SYT14: variants seen among roughly 807,000 people sequenced by gnomAD.
SYT14 encodes synaptotagmin 14.
In SYT14, 32 loss-of-function variants were observed where a neutral mutation model predicts 74.2. The observed-to-expected ratio is 0.43, with a 90% CI of 0.33 to 0.58. SYT14 has a LOEUF of 0.58. Among genes scored for constraint, SYT14 ranks in the 20% least tolerant of loss-of-function variants. SYT14 has a pLI of 0.05. For missense variants in SYT14, 791 were observed against 981.8 expected (o/e 0.81, Z 2.60); for synonymous variants, 298 against 337.7 (o/e 0.88, Z 1.29).
At chr1:210,065,125 G>T (rs1364643579) in intron 5 of SYT14, among the ~76,000 whole-genome samples, 1 of 151,958 alleles carries the variant, frequency 6.6e-6, no homozygotes, top group Admixed American at 6.6e-5. Context: ...GGGTTGTTTT[G>T]AGTTGTTTCA....
intron 5 of SYT14, among the ~76,000 whole-genome samples, chr1:210,037,205 A>G (rs898253159): frequency 7.9e-5 from 12 of 151,986 alleles, no homozygotes; most frequent in African/African-American, 2.7e-4. Context: ...TAGGTTTTCT[A>G]GTATGTAAGT....
chr1:210,160,526 A>G (rs1449568254), intron 9 of SYT14, among the ~76,000 whole-genome samples: 2 of 152,116 alleles, frequency 1.3e-5, no homozygotes, highest in African/African-American at 2.4e-5. Flanking sequence ...TACTACCAAA[A>G]TATTTTTGGC....
intron 2 of SYT14, among the ~76,000 whole-genome samples, chr1:209,998,118 A>G (rs1279144193): frequency 1.3e-5 from 2 of 152,076 alleles, no homozygotes; most frequent in Non-Finnish European, 2.9e-5. Context: ...TTTTATTTCT[A>G]GGGTTTTTTT....
intron 7 of SYT14, among the ~76,000 whole-genome samples, chr1:210,121,711 G>A (rs1026398735): frequency 1.5e-4 from 23 of 151,158 alleles, no homozygotes; most frequent in Non-Finnish European, 3.0e-4. Context: ...GGAGAATGGC[G>A]TGAACCCAGG....
intron 5 of SYT14, among the ~76,000 whole-genome samples, chr1:210,075,304 G>A (rs898097605): frequency 6.6e-6 from 1 of 150,942 alleles, no homozygotes; most frequent in East Asian, 2.0e-4. Context: ...TTGACGTCTA[G>A]CCACTTGTGT....
intron 5 of SYT14, among the ~76,000 whole-genome samples, chr1:210,067,797 G>A (rs1430485799): frequency 2.0e-5 from 3 of 151,902 alleles, no homozygotes; most frequent in African/African-American, 7.2e-5. Context: ...ATATAGAAAT[G>A]TGAGATGTAA....
intron 5 of SYT14, among the ~76,000 whole-genome samples, chr1:210,062,365 A>G (rs2081221394): frequency 6.6e-6 from 1 of 151,918 alleles, no homozygotes; most frequent in African/African-American, 2.4e-5. Flanking sequence ...TTCTACAAAT[A>G]TAAAAGATAG....
At chr1:209,955,604 TA>T (rs1358294470) in intron 2 of SYT14, among the ~76,000 whole-genome samples, 1 of 152,204 alleles carries the variant, frequency 6.6e-6, no homozygotes, top group African/African-American at 2.4e-5. Flanking sequence ...CTCCTTTCAC[TA>T]AGTATTAGTG....
intron 5 of SYT14, among the ~76,000 whole-genome samples, chr1:210,088,315 C>CAT (rs1192368918): frequency 1.3e-5 from 2 of 151,878 alleles, no homozygotes; most frequent in Non-Finnish European, 1.5e-5. Context: ...CGGTCATCTA[C>CAT]ATTAGGTATT....
chr1:210,077,632 C>T (rs1440383660), intron 5 of SYT14, among the ~76,000 whole-genome samples: 2 of 152,174 alleles, frequency 1.3e-5, no homozygotes, highest in Non-Finnish European at 2.9e-5. Context: ...ATTGCAGGGT[C>T]ATATTGTAAC....
At chr1:209,938,715 C>T (rs575388322) in intron 1 of SYT14, among the ~76,000 whole-genome samples, 8 of 152,226 alleles carry the variant, frequency 5.3e-5, no homozygotes, top group Middle Eastern at 3.4e-3. Flanking sequence ...TTCCGCAATA[C>T]CCACCTTCCT....
intron 7 of SYT14, among the ~76,000 whole-genome samples, chr1:210,136,207 A>G (rs2082781789): frequency 6.6e-6 from 1 of 152,074 alleles, no homozygotes; most frequent in Non-Finnish European, 1.5e-5. Flanking sequence ...GATGTCAGAA[A>G]GTTTGTAGAT....
At chr1:210,038,606 A>G (rs1211605995) in intron 5 of SYT14, among the ~76,000 whole-genome samples, 1 of 151,964 alleles carries the variant, frequency 6.6e-6, no homozygotes, top group African/African-American at 2.4e-5. Flanking sequence ...TTCTTATAGG[A>G]CTGGTTTAGT....
At chr1:210,010,712 A>G (rs2080070953) in intron 2 of SYT14, among the ~76,000 whole-genome samples, 2 of 152,174 alleles carry the variant, frequency 1.3e-5, no homozygotes, top group South Asian at 2.1e-4. Context: ...GAACGTAGAA[A>G]TAAGGATTGA....
exon 10 of SYT14, chr1:210,163,572 T>G: frequency 2.2e-6 from 1 of 453,418 alleles, no homozygotes; most frequent in Non-Finnish European, 4.4e-6. Flanking sequence ...TTTCATACAT[T>G]TAGGATTATT....
At chr1:209,973,244 G>A (rs560361849) in intron 2 of SYT14, among the ~76,000 whole-genome samples, 2 of 151,578 alleles carry the variant, frequency 1.3e-5, no homozygotes, top group Non-Finnish European at 2.9e-5. Context: ...AAGTTTTAGG[G>A]TACATGTGCA....
intron 2 of SYT14, among the ~76,000 whole-genome samples, chr1:210,003,177 C>T (rs1486748414): frequency 2.0e-5 from 3 of 152,150 alleles, no homozygotes; most frequent in African/African-American, 7.2e-5. Flanking sequence ...AACATGATCC[C>T]TCACTCACCC....
chr1:209,941,670 A>G (rs906373614), intron 1 of SYT14, among the ~76,000 whole-genome samples: 1 of 152,196 alleles, frequency 6.6e-6, no homozygotes, highest in African/African-American at 2.4e-5. Context: ...CACGCATTGA[A>G]CAATTTAGTA....
At chr1:210,132,309 T>C (rs190392395) in intron 7 of SYT14, among the ~76,000 whole-genome samples, 55 of 152,114 alleles carry the variant, frequency 3.6e-4, no homozygotes, top group South Asian at 1.2e-3. Flanking sequence ...CATCCTGGCA[T>C]GGACATCCTG....
Sources: gnomAD v4.1 joint callset for allele counts (sites outside exome capture counted in the v4.1 genomes callset) on GRCh38, gnomAD v4.1.1 for gene constraint, MANE v1.5 for transcripts, NCBI Gene and HGNC (gene_info 2026-07-23, HGNC 2026-07-21) for gene names.